The following GJB7 variants were observed in gnomAD, a reference collection of about 807,000 sequenced individuals.
The protein encoded by GJB7 is gap junction beta-7 protein.
For missense variants in GJB7, 253 were observed against 256.8 expected (o/e 0.99, Z 0.10); for synonymous variants, 87 against 95.2 (o/e 0.91, Z 0.50).
chr6:87,284,688 T>C lies in GJB7; in HGVS notation c.225A>G (p.Arg75=). The C allele has an allele frequency of 6.2e-7, 1 of 1,614,180 alleles. No individual in the cohort carries two copies. The highest frequency in any genetic ancestry group is 2.2e-5 in the East Asian group (1 of 44,888). The part of the protein sequence containing the change: ...FDDFFPISQV[R]LWALQLIMVS... Reference sequence around the variant, plus strand: ...CCATTATCAGTTGTAAGGCCCAAAGTCTGACTTGGGAAATGGGGAAGAAGT... The same window carrying C: ...CCATTATCAGTTGTAAGGCCCAAAGCCTGACTTGGGAAATGGGGAAGAAGT... The change falls in exon 3 of 3, where the codon AGA becomes AGG. Residue 75 remains arginine, a synonymous_variant. Coordinates refer to ENST00000525899, the MANE Select transcript of GJB7 (RefSeq NM_198568.3).
intron 2 of GJB7, among the ~76,000 whole-genome samples, chr6:87,285,408 T>A (rs547719832): frequency 6.6e-6 from 1 of 152,284 alleles, no homozygotes; most frequent in East Asian, 1.9e-4. Flanking sequence ...TCCTTAAGGT[T>A]TATTACCTGC....
intron 2 of GJB7, among the ~76,000 whole-genome samples, chr6:87,313,570 C>G (rs1776540312): frequency 6.6e-6 from 1 of 152,180 alleles, no homozygotes. Flanking sequence ...ATATTCAAAT[C>G]TCAACCATCT....
At chr6:87,288,408 G>A (rs546444781) in intron 2 of GJB7, among the ~76,000 whole-genome samples, 1 of 152,206 alleles carries the variant, frequency 6.6e-6, no homozygotes, top group East Asian at 1.9e-4. Context: ...ACGGACATCT[G>A]GAAGGTTACC....
intron 2 of GJB7, among the ~76,000 whole-genome samples, chr6:87,293,328 C>T (rs2127899898): frequency 6.6e-6 from 1 of 152,332 alleles, no homozygotes; most frequent in South Asian, 2.1e-4. Context: ...CGCACCCAGC[C>T]TACAGTTTAT....
chr6:87,283,143 T>C lies in GJB7; in HGVS notation c.*1098A>G, dbSNP rs1776001801. ...CTTTTAAAACATTTTTGCACCACTG[T>C]AACAACATAGTACACATTTTACTAT... is the stretch of plus-strand genomic sequence containing the variant. On this transcript the variant is annotated 3_prime_UTR_variant, in exon 3 of 3. Transcript: ENST00000525899. 1.3e-5 allele frequency: 2 copies of C among 152,238 alleles called. No individual in the cohort carries two copies. Among genetic ancestry groups the C allele is most frequent in the South Asian group, 4.1e-4 (2 of 4,832 alleles). 9.4% of individuals were successfully genotyped at this position (152,238 alleles called of 1,614,324 possible).
chr6:87,289,608 G>A (rs1776128945), intron 2 of GJB7, among the ~76,000 whole-genome samples: 1 of 152,194 alleles, frequency 6.6e-6, no homozygotes, highest in South Asian at 2.1e-4. Context: ...TCATGTGGAT[G>A]AATCCCTTAG....
At chr6:87,298,426 A>C (rs752058614) in intron 2 of GJB7, among the ~76,000 whole-genome samples, 21 of 152,222 alleles carry the variant, frequency 1.4e-4, no homozygotes, top group Admixed American at 3.9e-4. Context: ...TAGTGAGTTA[A>C]AATTAGTCTT....
chr6:87,284,523 AAC>A lies in GJB7; in HGVS notation c.388_389del (p.Val130Ter). 6.2e-7 allele frequency: 1 copy of A among 1,614,196 alleles called. No homozygotes were observed. Among genetic ancestry groups the A allele is most frequent in the Non-Finnish European group, 8.5e-7 (1 of 1,180,010 alleles). ...GGAAGCCAATTTCAAAACCAGTTTT[AAC>A]AATGAGGCTGATAAGATAAGCGTAC... ...LWYAYLISLI[V>X]KTGFEIGFLV... On this transcript the variant is annotated frameshift_variant, in exon 3 of 3. Coordinates refer to ENST00000525899, the MANE Select transcript of GJB7 (RefSeq NM_198568.3). LOFTEE classifies it low-confidence loss of function (END_TRUNC).
intron 2 of GJB7, among the ~76,000 whole-genome samples, chr6:87,305,437 G>C (rs1188584968): frequency 6.6e-6 from 1 of 152,130 alleles, no homozygotes; most frequent in Non-Finnish European, 1.5e-5. Flanking sequence ...TTGCCTCAAA[G>C]AGAATAAAAT....
chr6:87,284,791 T>A lies in GJB7; in HGVS notation c.122A>T (p.Glu41Val), dbSNP rs376459485. 1 of 1,614,016 alleles carries A rather than the reference T, an allele frequency of 6.2e-7. No homozygotes were observed. Among genetic ancestry groups the A allele is most frequent in the Non-Finnish European group, 8.5e-7 (1 of 1,180,034 alleles). The change falls in exon 3 of 3, where the codon GAG becomes GTG. Residue 41 changes from glutamate to valine, a missense_variant. Physicochemically the swap from Glu to Val is moderately radical, Grantham distance 121. Coordinates refer to ENST00000525899, the MANE Select transcript of GJB7 (RefSeq NM_198568.3). ...TTTCTGCTCATCTTTCCACACGTGC[T>A]CTGCTGCCACCATGTAGACCAGCAA... ...FRLLVYMVAA[E>V]HVWKDEQKEF...
At chr6:87,298,708 C>A in intron 2 of GJB7, 1 of 180,876 alleles carries the variant, frequency 5.5e-6, no homozygotes. Flanking sequence ...GAAATGGGCT[C>A]GCCCCTCACT....
intron 2 of GJB7, chr6:87,299,451 T>G (rs1464712492): frequency 2.2e-6 from 1 of 448,994 alleles, no homozygotes; most frequent in African/African-American, 2.0e-5. Flanking sequence ...CGTCAAAAGG[T>G]TAGAAATGTG....
At chr6:87,299,245 C>A in intron 2 of GJB7, 3 of 462,022 alleles carry the variant, frequency 6.5e-6, no homozygotes, top group South Asian at 3.3e-5. Flanking sequence ...CATGACAACC[C>A]CTGGAGAAAT....
At chr6:87,324,983 C>A (rs1776780959) in intron 1 of GJB7, among the ~76,000 whole-genome samples, 1 of 152,010 alleles carries the variant, frequency 6.6e-6, no homozygotes, top group African/African-American at 2.4e-5. Flanking sequence ...AGAGGTCCTT[C>A]ACATCCCTTG....
At chr6:87,312,775 C>T (rs933217885) in intron 2 of GJB7, among the ~76,000 whole-genome samples, 6 of 152,112 alleles carry the variant, frequency 3.9e-5, no homozygotes, top group Admixed American at 2.6e-4. Context: ...ACTCTTTACC[C>T]GCCTCCCTAT....
rs41273281 is a variant in GJB7, at chr6:87,284,383, G to T, written c.530C>A (p.Thr177Lys). The change falls in exon 3 of 3, where the codon ACG becomes AAG. Residue 177 changes from threonine (T) to lysine (K), a missense_variant. Transcript: ENST00000525899. ...DCFISKPTEK[T>K]IFILFLVITS... ...GATGACCAAGAAGAGGATGAAGATC[G>T]TCTTCTCAGTGGGTTTGGAGATGAA... 3.1e-6 allele frequency: 5 copies of T among 1,613,908 alleles called. No homozygotes were observed. The highest frequency in any genetic ancestry group is 2.2e-5 in the East Asian group (1 of 44,882).
intron 2 of GJB7, among the ~76,000 whole-genome samples, chr6:87,309,535 TC>T (rs1452797050): frequency 6.6e-6 from 1 of 152,122 alleles, no homozygotes; most frequent in African/African-American, 2.4e-5. Context: ...CACAGTCTCT[TC>T]CGTGGTGAGC....
chr6:87,293,910 G>A (rs921454856), intron 2 of GJB7, among the ~76,000 whole-genome samples: 12 of 152,222 alleles, frequency 7.9e-5, no homozygotes, highest in African/African-American at 2.7e-4. Flanking sequence ...AGGGGCTGGG[G>A]TTGATCAGAA....
intron 2 of GJB7, among the ~76,000 whole-genome samples, chr6:87,303,859 G>A (rs1023359965): frequency 2.0e-5 from 3 of 152,150 alleles, no homozygotes; most frequent in African/African-American, 7.2e-5. Flanking sequence ...CTAGAACTCA[G>A]GATTAAGAAA....
Sources: gnomAD v4.1 joint callset for allele counts (sites outside exome capture counted in the v4.1 genomes callset) on GRCh38, gnomAD v4.1.1 for gene constraint, MANE v1.5 for transcripts, NCBI Gene and HGNC (gene_info 2026-07-23, HGNC 2026-07-21) for gene names.